The following ZC4H2 variants were observed in gnomAD, a reference collection of about 807,000 sequenced individuals.
ZC4H2 encodes zinc finger C4H2 domain-containing protein.
For missense variants in ZC4H2, 137 were observed against 173.9 expected (o/e 0.79, Z 1.19); for synonymous variants, 84 against 66.3 (o/e 1.27, Z -1.30).
chrX:64,922,260 G>GA (rs1424682998), intron 1 of ZC4H2: 1 of 201,571 alleles, frequency 5.0e-6, no homozygotes, highest in East Asian at 1.0e-4. Flanking sequence ...AAAAAAAAAA[G>GA]AAAAAGAAAA....
chrX:64,946,285 C>A (rs1308866907), intron 1 of ZC4H2, among the ~76,000 whole-genome samples: 1 of 111,584 alleles, frequency 9.0e-6, no homozygotes, highest in African/African-American at 3.3e-5. Context: ...GTTGCAAAAA[C>A]CATAAGAAAA....
At chrX:64,923,861 C>A (rs1186384390) in intron 1 of ZC4H2, among the ~76,000 whole-genome samples, 1 of 110,100 alleles carries the variant, frequency 9.1e-6, no homozygotes, top group Non-Finnish European at 1.9e-5. Flanking sequence ...ACCATCCATA[C>A]CATCCACTAC....
rs576509627 is a variant in ZC4H2, at chrX:64,935,293, G to A, written c.54-13305C>T. On this transcript the variant is annotated intron_variant, in intron 1 of 4. Transcript: ENST00000374839. ...GCCAGATTTCTCCTCTCTGGGCAGG[G>A]CATCTCTGAAAAAAAGGCAGGAGCC... Among the ~76,000 whole-genome samples the A allele has an allele frequency of 3.9e-4, 44 of 111,867 alleles. No homozygotes were observed. In the South Asian group the frequency reaches 0.013, roughly 32 times the overall value.
chrX:65,014,514 T>C (rs1932784841), intron 1 of ZC4H2, among the ~76,000 whole-genome samples: 1 of 111,650 alleles, frequency 9.0e-6, no homozygotes, highest in African/African-American at 3.3e-5. Flanking sequence ...TGAGAGCAAT[T>C]CATGGGAGGA....
chrX:64,943,337 C>T (rs756209973), intron 1 of ZC4H2, among the ~76,000 whole-genome samples: 2 of 111,912 alleles, frequency 1.8e-5, no homozygotes, highest in Admixed American at 1.9e-4. Flanking sequence ...CTGTAGATGT[C>T]TATTAGGTCC....
chrX:64,981,517 C>T (rs1026799392), intron 1 of ZC4H2, among the ~76,000 whole-genome samples: 10 of 110,324 alleles, frequency 9.1e-5, no homozygotes, highest in African/African-American at 1.3e-4. Context: ...TGGAGAGGTA[C>T]GGAGGGCGAG....
chrX:64,977,200 G>A (rs1194184432), upstream of ZC4H2, among the ~76,000 whole-genome samples: 1 of 111,641 alleles, frequency 9.0e-6, no homozygotes, highest in African/African-American at 3.3e-5. Flanking sequence ...TAGATAAGGT[G>A]TAACCTGTGC....
chrX:64,929,771 G>A (rs1929658768), intron 1 of ZC4H2, among the ~76,000 whole-genome samples: 1 of 111,775 alleles, frequency 8.9e-6, no homozygotes, highest in African/African-American at 3.3e-5. Context: ...GTAGCTTATA[G>A]CTTTGTAGTA....
chrX:64,951,742 T>C (rs1238310689), intron 1 of ZC4H2, among the ~76,000 whole-genome samples: 5 of 110,654 alleles, frequency 4.5e-5, no homozygotes, highest in South Asian at 3.8e-4. Flanking sequence ...TTCTCCCATT[T>C]TGTAGGTTGC....
intron 1 of ZC4H2, among the ~76,000 whole-genome samples, chrX:65,015,491 C>T (rs1178246395): frequency 8.9e-6 from 1 of 112,035 alleles, no homozygotes; most frequent in Non-Finnish European, 1.9e-5. Context: ...TTGGTAAGGA[C>T]AAGAAACACA....
rs1284854597 is a variant in ZC4H2, at chrX:64,970,187, T to C, written c.53+6138A>G. Among the ~76,000 whole-genome samples, 3 of 112,315 alleles carry C rather than the reference T, an allele frequency of 2.7e-5. No individual in the cohort carries two copies. The South Asian group carries it at 1.1e-3, about 41-fold the overall frequency. ...TGCCTAAGTACTAAGCATTCTTCCA[T>C]GTAATATTTATTTGCTCAACTGGAA... On this transcript the variant is annotated intron_variant, in intron 1 of 4. Transcript: ENST00000374839.
chrX:64,937,756 C>G (rs1930083916), intron 1 of ZC4H2, among the ~76,000 whole-genome samples: 1 of 111,408 alleles, frequency 9.0e-6, no homozygotes, highest in Admixed American at 9.6e-5. Context: ...ATACAACGTA[C>G]CAGGATCTCT....
rs779860988 is a variant in ZC4H2 at position 64,953,171 on chromosome X, C to T, written c.53+23154G>A. ...CTTACACCTTATACAAAAATTAATT[C>T]AAGATGGATTAAAGACCTAAATGTT... On this transcript the variant is annotated intron_variant, in intron 1 of 4. Transcript: ENST00000374839. Among the ~76,000 whole-genome samples, 64 of 112,040 alleles carry T rather than the reference C, an allele frequency of 5.7e-4. 1 individual carries two copies. In the Middle Eastern group the frequency reaches 0.014, roughly 24 times the overall value.
At chrX:64,922,613 C>T (rs1047891957) in intron 1 of ZC4H2, among the ~76,000 whole-genome samples, 1 of 112,442 alleles carries the variant, frequency 8.9e-6, no homozygotes, top group Non-Finnish European at 1.9e-5. Context: ...TGCTAAATAG[C>T]CTCTCAATGC....
At position 64,917,482 on chromosome X, in the gene ZC4H2, A is replaced by G; in HGVS notation, c.*301T>C. The G allele has an allele frequency of 4.3e-6, 1 of 235,065 alleles. No individual in the cohort carries two copies. 19.4% of individuals were successfully genotyped at this position (235,065 alleles called of 1,213,427 possible). A position where few individuals can be genotyped will look rare whatever the true frequency, so the allele number is the denominator to read the frequency against. ...TCCAGGCCTCAGGCACAAGAGATAG[A>G]GAATCATATCTGAGCCTTTTGCCCT... On this transcript the variant is annotated 3_prime_UTR_variant, in exon 5 of 5. Coordinates refer to ENST00000374839, the MANE Select transcript of ZC4H2 (RefSeq NM_018684.4).
intron 1 of ZC4H2, among the ~76,000 whole-genome samples, chrX:65,029,276 C>G (rs1474996380): frequency 4.5e-5 from 5 of 112,346 alleles, no homozygotes; most frequent in Non-Finnish European, 3.8e-5. Context: ...CAATAACAAA[C>G]ATACTGAAAA....
rs994945073 is a variant in ZC4H2, at chrX:64,916,417, A to T, written c.*1366T>A. 1 of 112,330 alleles carries T rather than the reference A, an allele frequency of 8.9e-6. No individual in the cohort carries two copies. The highest frequency in any genetic ancestry group is 2.8e-4 in the East Asian group (1 of 3,578). The allele number at this position is 112,330 out of a possible 1,213,427, so 9.3% of individuals were successfully genotyped here. On this transcript the variant is annotated 3_prime_UTR_variant, in exon 5 of 5. Transcript: ENST00000374839. ...ACATCTTTTGTATTATCCAATACACAGTAGATACTCAGAATTTACTCCAAT... is the reference window on the plus strand; with the variant it reads ...ACATCTTTTGTATTATCCAATACACTGTAGATACTCAGAATTTACTCCAAT...
rs1378758768 is a variant in ZC4H2, at chrX:64,958,064, T to C, written c.53+18261A>G. Among the ~76,000 whole-genome samples, 4 of 111,416 alleles carry C rather than the reference T, an allele frequency of 3.6e-5. No individual in the cohort carries two copies. In the East Asian group the frequency reaches 1.1e-3, roughly 31 times the overall value. ...CCTGAACCTGTTTTACAGTTATTTTTTTTTAATAAGTAAGAGGAGTACACT... is the reference window on the plus strand; with the variant it reads ...CCTGAACCTGTTTTACAGTTATTTTCTTTTAATAAGTAAGAGGAGTACACT... On this transcript the variant is annotated intron_variant, in intron 1 of 4. Coordinates refer to ENST00000374839, the MANE Select transcript of ZC4H2 (RefSeq NM_018684.4).
chrX:64,921,884 T>A lies in ZC4H2; in HGVS notation c.158A>T (p.Asp53Val), dbSNP rs1266840779. Residue 53 changes from aspartate to valine, a missense_variant, in exon 2 of 5, where the codon GAC becomes GTC. Transcript: ENST00000374839. Reference protein sequence around the residue: ...RHLKEYKQEMDLLLQEKMAHV... With the variant: ...RHLKEYKQEMVLLLQEKMAHV... ...GGCCATCTTCTCCTGTAGCAGAAGG[T>A]CCATCTCCTGCTTGTATTCCTTCAG... is the stretch of plus-strand genomic sequence containing the variant. The A allele has an allele frequency of 8.3e-7, 1 of 1,207,947 alleles. No homozygotes were observed. Among genetic ancestry groups the A allele is most frequent in the African/African-American group, 1.8e-5 (1 of 56,563 alleles).
Sources: gnomAD v4.1 joint callset for allele counts (sites outside exome capture counted in the v4.1 genomes callset) on GRCh38, gnomAD v4.1.1 for gene constraint, MANE v1.5 for transcripts, NCBI Gene and HGNC (gene_info 2026-07-23, HGNC 2026-07-21) for gene names.